Variants in KCNK2 observed in about 807,000 individuals in gnomAD.
KCNK2 encodes the protein potassium channel subfamily K member 2.
A neutral mutation model predicts 40.5 loss-of-function variants in KCNK2; 21 were observed. That is an observed-to-expected ratio of 0.52 (90% CI 0.37 to 0.75). KCNK2 has a LOEUF of 0.75. Ranked by LOEUF, KCNK2 falls within the 30% of genes least tolerant of loss-of-function variation. KCNK2 has a pLI of 0.00. For synonymous variants in KCNK2, 191 were observed against 202.2 expected, an observed-to-expected ratio of 0.94 and a Z score of 0.47; for missense variants, 399 against 531.6, an observed-to-expected ratio of 0.75 and a Z score of 2.45.
chr1:215,145,576 CT>C (rs1357802018), intron 3 of KCNK2, among the ~76,000 whole-genome samples: 2 of 152,084 alleles, frequency 1.3e-5, no homozygotes, highest in African/African-American at 2.4e-5. Flanking sequence ...TATGTTATGT[CT>C]AATGTGTTAC....
chr1:215,072,373 G>C (rs982973470), intron 1 of KCNK2, among the ~76,000 whole-genome samples: 9 of 152,224 alleles, frequency 5.9e-5, no homozygotes, highest in African/African-American at 1.7e-4. Flanking sequence ...GCAGGCAAGA[G>C]AGCTTTTGCA....
At chr1:215,017,880 G>A (rs1056142341) in intron 1 of KCNK2, among the ~76,000 whole-genome samples, 4 of 151,992 alleles carry the variant, frequency 2.6e-5, no homozygotes, top group African/African-American at 9.7e-5. Context: ...GTGTCCAGCA[G>A]ACACAACATG....
intron 1 of KCNK2, among the ~76,000 whole-genome samples, chr1:215,060,412 G>A (rs1055603141): frequency 2.0e-5 from 3 of 152,076 alleles, no homozygotes; most frequent in African/African-American, 7.2e-5. Context: ...TTGTAGCCTA[G>A]ACACTGTCTT....
chr1:215,117,355 C>T (rs1660990778), intron 2 of KCNK2, among the ~76,000 whole-genome samples: 1 of 152,072 alleles, frequency 6.6e-6, no homozygotes, highest in African/African-American at 2.4e-5. Flanking sequence ...TGTGTTCTCT[C>T]AGAATAACAT....
chr1:215,210,499 G>T (rs946613752), intron 6 of KCNK2, among the ~76,000 whole-genome samples: 2 of 152,022 alleles, frequency 1.3e-5, no homozygotes, highest in East Asian at 3.9e-4. Flanking sequence ...TCTCTGATTT[G>T]CAAGTTGAGG....
chr1:215,226,472 C>A (rs7547867), intron 6 of KCNK2, among the ~76,000 whole-genome samples: 34,481 of 152,002 alleles, frequency 0.23, 4,498 homozygotes, highest in African/African-American at 0.36. Context: ...ACTACAGGCG[C>A]GTGCCATCAC....
intron 1 of KCNK2, among the ~76,000 whole-genome samples, chr1:215,077,074 C>T (rs7535436): frequency 0.94 from 143,040 of 152,246 alleles, 67,607 homozygotes; most frequent in Non-Finnish European, 0.99. Flanking sequence ...TCAAGGTCAG[C>T]GGTATAGAGC....
chr1:215,134,110 GA>G (rs112080577), intron 3 of KCNK2, among the ~76,000 whole-genome samples: 3 of 150,540 alleles, frequency 2.0e-5, no homozygotes, highest in South Asian at 2.1e-4. Flanking sequence ...GGGTGTAAAA[GA>G]AAAAAAAAAT....
chr1:215,137,776 C>A (rs577133257), intron 3 of KCNK2, among the ~76,000 whole-genome samples: 101 of 152,204 alleles, frequency 6.6e-4, no homozygotes, highest in African/African-American at 2.3e-3. Context: ...TGGTAAATAA[C>A]CTAATTACTA....
chr1:215,128,419 G>T (rs1317021545), intron 3 of KCNK2, among the ~76,000 whole-genome samples: 1 of 152,170 alleles, frequency 6.6e-6, no homozygotes, highest in African/African-American at 2.4e-5. Flanking sequence ...TTCTGCTGCT[G>T]CCAGGAGTAC....
At position 215,086,689 on chromosome 1, in the gene KCNK2, G is replaced by C. The variant is rs1265558832; in HGVS notation, c.357+11G>C. The C allele has an allele frequency of 6.2e-7, 1 of 1,606,496 alleles. No homozygotes were observed. The highest frequency in any genetic ancestry group is 1.3e-5 in the African/African-American group (1 of 74,796). ...GATGAACTCATTCAGGTAATGGCAT[G>C]GGAGGAGTTGTTACTCTGTTCCCCC... On this transcript the variant is annotated intron_variant, in intron 2 of 6. Coordinates refer to ENST00000444842, the MANE Select transcript of KCNK2 (RefSeq NM_001017425.3).
chr1:215,209,977 ATATTATATAT>A (rs1665639226), intron 6 of KCNK2, among the ~76,000 whole-genome samples: 1 of 3,722 alleles, frequency 2.7e-4, no homozygotes, highest in East Asian at 0.012. Context: ...TATATTATAT[ATATTATATAT>A]AATATATAAT....
chr1:215,086,312 C>A, intron 1 of KCNK2, 56 bp from the exon 2 acceptor site: 1 of 1,418,848 alleles, frequency 7.0e-7, no homozygotes, highest in Non-Finnish European at 9.8e-7. Context: ...AGAAGAAGCC[C>A]GACCAATTCC....
chr1:215,058,942 C>T (rs1658260695), intron 1 of KCNK2, among the ~76,000 whole-genome samples: 1 of 152,112 alleles, frequency 6.6e-6, no homozygotes, highest in Non-Finnish European at 1.5e-5. Context: ...GAAAGTCACT[C>T]AGTCTTTTGA....
At chr1:215,169,033 A>G (rs1051995712) in intron 3 of KCNK2, among the ~76,000 whole-genome samples, 166 bp from the exon 4 acceptor site, 1 of 152,166 alleles carries the variant, frequency 6.6e-6, no homozygotes, top group African/African-American at 2.4e-5. Context: ...TTATAAGAAT[A>G]TCTTATATTA....
chr1:215,083,238 TTGTAAAACAAAG>T lies in KCNK2; in HGVS notation c.-147_-136del. The T allele has an allele frequency of 1.0e-6, 1 of 988,690 alleles. No individual in the cohort carries two copies. The highest frequency in any genetic ancestry group is 1.8e-5 in the South Asian group (1 of 56,930). The allele number at this position is 988,690 out of a possible 1,614,324, so 61.2% of individuals were successfully genotyped here. Reference sequence around the variant, plus strand: ...CGCGTCCAGCCCCGCTCTCCCCACCTTGTAAAACAAAGCCGGGGAAAATGCCTGCCCGTGCAG... The same window carrying T: ...CGCGTCCAGCCCCGCTCTCCCCACCTCCGGGGAAAATGCCTGCCCGTGCAG... On this transcript the variant is annotated 5_prime_UTR_variant, in exon 1 of 7. Coordinates refer to ENST00000444842, the MANE Select transcript of KCNK2 (RefSeq NM_001017425.3).
At chr1:215,115,912 T>C (rs1660915306) in intron 2 of KCNK2, among the ~76,000 whole-genome samples, 1 of 151,532 alleles carries the variant, frequency 6.6e-6, no homozygotes, top group African/African-American at 2.4e-5. Context: ...TTGCTTCACA[T>C]ATGTAGACTG....
intron 4 of KCNK2, 56 bp from the exon 5 acceptor site, chr1:215,171,938 CTCT>C: frequency 1.8e-6 from 2 of 1,118,896 alleles, no homozygotes; most frequent in Admixed American, 2.4e-5. Flanking sequence ...CTCTCTCTCT[CTCT>C]CCCCCCATTT....
intron 6 of KCNK2, among the ~76,000 whole-genome samples, chr1:215,197,263 T>C (rs1019225324): frequency 1.3e-5 from 2 of 152,210 alleles, no homozygotes; most frequent in African/African-American, 4.8e-5. Flanking sequence ...GAGTCTGCTC[T>C]AGCTGTTACA....
Sources: allele counts gnomAD v4.1 joint callset (sites outside exome capture counted in the v4.1 genomes callset), GRCh38; gene constraint gnomAD v4.1.1; transcripts MANE v1.5; gene names NCBI Gene and HGNC (gene_info 2026-07-23, HGNC 2026-07-21).